PDGFRL: variants seen among roughly 807,000 people sequenced by gnomAD.
PDGFRL encodes platelet derived growth factor receptor like, also known as platelet-derived growth factor receptor-like protein.
Under a neutral mutation model 37.2 loss-of-function variants are expected in PDGFRL, and 46 were observed. The observed-to-expected ratio is 1.24, with a 90% CI of 0.98 to 1.58. PDGFRL has a LOEUF of 1.58. Ranked by LOEUF, PDGFRL falls within the 40% of genes most tolerant of loss-of-function variation. The pLI is 0.00. For missense variants in PDGFRL, 692 were observed against 467.6 expected, an observed-to-expected ratio of 1.48 and a Z score of -4.43; for synonymous variants, 251 against 184.3, an observed-to-expected ratio of 1.36 and a Z score of -2.93.
At chr8:17,640,835 C>G (rs554182024) in intron 5 of PDGFRL, among the ~76,000 whole-genome samples, 1 of 152,016 alleles carries the variant, frequency 6.6e-6, no homozygotes, top group Non-Finnish European at 1.5e-5. Flanking sequence ...CCTAGAGCTC[C>G]CAAGAGATTA....
chr8:17,596,987 G>A (rs544416025), intron 2 of PDGFRL, among the ~76,000 whole-genome samples: 1 of 152,252 alleles, frequency 6.6e-6, no homozygotes, highest in African/African-American at 2.4e-5. Context: ...AAGCTCCCCA[G>A]GTGTTCATCC....
chr8:17,578,681 C>A (rs1049126976), intron 1 of PDGFRL, among the ~76,000 whole-genome samples: 3 of 152,116 alleles, frequency 2.0e-5, no homozygotes, highest in Admixed American at 6.5e-5. Context: ...ACCCAACTTG[C>A]CAGTCTTAGA....
At chr8:17,579,460 T>G (rs1036064108) in intron 1 of PDGFRL, among the ~76,000 whole-genome samples, 1 of 152,038 alleles carries the variant, frequency 6.6e-6, no homozygotes, top group African/African-American at 2.4e-5. Flanking sequence ...AAGCACAAAT[T>G]ACAGACACAA....
chr8:17,577,206 CCGCGCAGCCGCCG>C (rs766616686), exon 1 of PDGFRL: 21 of 1,592,266 alleles, frequency 1.3e-5, no homozygotes, highest in African/African-American at 2.7e-4. Context: ...CGTCCCCGCC[CCGCGCAGCCGCCG>C]CGCTCCTGCG....
intron 1 of PDGFRL, among the ~76,000 whole-genome samples, 200 bp downstream of exon 1, chr8:17,577,507 C>A (rs143948793): frequency 6.6e-6 from 1 of 151,958 alleles, no homozygotes; most frequent in Non-Finnish European, 1.5e-5. Context: ...CCCGGAGAGC[C>A]CTCTAGGGGT....
chr8:17,577,740 C>T (rs896777391), intron 1 of PDGFRL, among the ~76,000 whole-genome samples: 8 of 151,570 alleles, frequency 5.3e-5, no homozygotes, highest in African/African-American at 1.9e-4. Context: ...ATCGCTGATT[C>T]GGTTGCAGAG....
intron 3 of PDGFRL, among the ~76,000 whole-genome samples, chr8:17,622,914 C>A (rs1377124059): frequency 6.6e-6 from 1 of 152,054 alleles, no homozygotes; most frequent in Non-Finnish European, 1.5e-5. Flanking sequence ...TCCCTTACTG[C>A]ATGTGTGTTA....
At chr8:17,603,966 G>A (rs940933379) in intron 2 of PDGFRL, among the ~76,000 whole-genome samples, 1 of 152,038 alleles carries the variant, frequency 6.6e-6, no homozygotes, top group Non-Finnish European at 1.5e-5. Context: ...GGAGCATGAA[G>A]GGCAGGTGGG....
At chr8:17,638,788 A>ATATATATATATATAT (rs1805033295) in intron 5 of PDGFRL, among the ~76,000 whole-genome samples, 2 of 71,584 alleles carry the variant, frequency 2.8e-5, no homozygotes, top group African/African-American at 4.8e-5. Flanking sequence ...TATATATATA[A>ATATATATATATATAT]TTGTGATATT....
chr8:17,633,024 G>A (rs79852361), intron 4 of PDGFRL, among the ~76,000 whole-genome samples: 2,918 of 152,110 alleles, frequency 0.019, 101 homozygotes, highest in African/African-American at 0.066. Context: ...TTAACCATAC[G>A]ATGACTCACT....
At position 17,625,372 on chromosome 8, in the gene PDGFRL, G is replaced by A. The variant is rs192878030; in HGVS notation, c.506-3115G>A. 6.2e-3 allele frequency among the ~76,000 whole-genome samples: 947 copies of A among 151,918 alleles called. 4 individuals carry two copies. The highest frequency in any genetic ancestry group is 0.014 in the Middle Eastern group (4 of 292). On this transcript the variant is annotated intron_variant, in intron 3 of 5. Transcript: ENST00000251630. ...TCACCATGTTGTCCAGGAGGGTCTC[G>A]GTCTCCTGACCTCATGATCCGCCTG...
intron 2 of PDGFRL, among the ~76,000 whole-genome samples, chr8:17,590,819 G>A (rs1218641132): frequency 1.3e-5 from 2 of 151,952 alleles, no homozygotes; most frequent in African/African-American, 4.8e-5. Context: ...GGAGATTTCT[G>A]TGAGCAACTT....
chr8:17,590,233 T>C (rs1157101733), intron 2 of PDGFRL, among the ~76,000 whole-genome samples: 2 of 1,432 alleles, frequency 1.4e-3, no homozygotes, highest in Non-Finnish European at 2.5e-3. Flanking sequence ...CGAGACTCCA[T>C]CTCAAAAAAA....
chr8:17,579,122 G>C (rs1026869935), intron 1 of PDGFRL, among the ~76,000 whole-genome samples: 1 of 151,942 alleles, frequency 6.6e-6, no homozygotes, highest in African/African-American at 2.4e-5. Context: ...GCTTGAACCT[G>C]GGAGGCAGAG....
chr8:17,635,248 A>G (rs1804948638), intron 5 of PDGFRL, among the ~76,000 whole-genome samples: 1 of 152,144 alleles, frequency 6.6e-6, no homozygotes, highest in Non-Finnish European at 1.5e-5. Flanking sequence ...TGAGCAGTGT[A>G]CACTATACCC....
intron 2 of PDGFRL, among the ~76,000 whole-genome samples, chr8:17,617,925 A>C (rs1804560393): frequency 6.6e-6 from 1 of 152,192 alleles, no homozygotes. Context: ...TCTGAGCTCT[A>C]CGGGAATGTG....
chr8:17,631,890 C>T (rs139896162), intron 4 of PDGFRL, among the ~76,000 whole-genome samples: 85 of 152,338 alleles, frequency 5.6e-4, no homozygotes, highest in African/African-American at 1.8e-3. Flanking sequence ...TTTCCCACTC[C>T]TTGTTCTGTC....
chr8:17,621,459 T>C (rs141920569), intron 3 of PDGFRL, among the ~76,000 whole-genome samples: 210 of 152,062 alleles, frequency 1.4e-3, no homozygotes, highest in African/African-American at 4.5e-3. Context: ...AAATAAGTCC[T>C]TAAGGTCACA....
chr8:17,642,657 C>T lies in PDGFRL; in HGVS notation c.984C>T (p.His328=), dbSNP rs1299325181. The T allele has an allele frequency of 6.2e-7, 1 of 1,609,968 alleles. No individual in the cohort carries two copies. The highest frequency in any genetic ancestry group is 8.5e-7 in the Non-Finnish European group (1 of 1,176,158). Residue 328 remains histidine, a synonymous_variant, in exon 6 of 6, where the codon CAC becomes CAT. Coordinates refer to ENST00000251630, the MANE Select transcript of PDGFRL (RefSeq NM_001372073.1). ...TCCAAGACACTTGGAGGTTGATCCA[C>T]AGAGGACTGGGACACACCACGAGAA... is the stretch of plus-strand genomic sequence containing the variant. ...VTIQDTWRLI[H]RGLGHTTRIS...
Sources: allele counts gnomAD v4.1 joint callset (sites outside exome capture counted in the v4.1 genomes callset), GRCh38; gene constraint gnomAD v4.1.1; transcripts MANE v1.5; gene names NCBI Gene and HGNC (gene_info 2026-07-23, HGNC 2026-07-21).